Variants in UNC13C observed in about 807,000 individuals in gnomAD.
UNC13C encodes protein unc-13 homolog C.
UNC13C carries 174 observed loss-of-function variants against 245.4 expected under a neutral mutation model. The ratio of observed to expected loss-of-function variants is 0.71; its 90% CI spans 0.63 to 0.80. The LOEUF (loss-of-function observed/expected upper bound fraction) is 0.80. Among genes scored for constraint, UNC13C ranks in the 30% least tolerant of loss-of-function variants. The probability of loss-of-function intolerance (pLI) is 0.00; values close to 1 mark genes in which losing one functional copy is unlikely to be tolerated. For synonymous variants in UNC13C, 992 were observed against 895.1 expected (o/e 1.11, Z -1.93); for missense variants, 2,829 against 2,602.9 (o/e 1.09, Z -1.89).
the UNC13C span, among the ~76,000 whole-genome samples, chr15:53,910,584 C>T: frequency 1.4e-5 from 2 of 145,986 alleles, 1 homozygote; most frequent in Admixed American, 1.4e-4. Flanking sequence ...TCCATCTTTG[C>T]AGACAGAGGG....
chr15:54,602,138 C>G (rs751650108), intron 30 of UNC13C, among the ~76,000 whole-genome samples: 4 of 152,182 alleles, frequency 2.6e-5, no homozygotes, highest in Non-Finnish European at 5.9e-5. Flanking sequence ...TCCTGAAGGG[C>G]CTCTGAGGAC....
chr15:54,350,031 A>G (rs1342085651), intron 17 of UNC13C, among the ~76,000 whole-genome samples: 1 of 151,938 alleles, frequency 6.6e-6, no homozygotes, highest in African/African-American at 2.4e-5. Context: ...TGTGTCGCCC[A>G]GGCTGGAGTG....
intron 2 of UNC13C, among the ~76,000 whole-genome samples, chr15:54,063,342 GGGCGATAGGCAA>G (rs1897929995): frequency 6.6e-6 from 1 of 152,124 alleles, no homozygotes; most frequent in South Asian, 2.1e-4. Flanking sequence ...GTGGGGAAGG[GGGCGATAGGCAA>G]GAATTTAGGA....
intron 19 of UNC13C, among the ~76,000 whole-genome samples, chr15:54,432,079 C>A (rs2040884076): frequency 6.6e-6 from 1 of 151,350 alleles, no homozygotes; most frequent in Non-Finnish European, 1.5e-5. Context: ...TTTCTAACAA[C>A]CACAAAAATG....
chr15:54,427,267 C>T (rs1450395435), intron 19 of UNC13C, among the ~76,000 whole-genome samples: 2 of 151,632 alleles, frequency 1.3e-5, no homozygotes, highest in Non-Finnish European at 2.9e-5. Flanking sequence ...CTGGTCTTTC[C>T]CATGCTGTTC....
intron 30 of UNC13C, among the ~76,000 whole-genome samples, chr15:54,585,258 G>A (rs1859078759): frequency 6.6e-6 from 1 of 152,138 alleles, no homozygotes; most frequent in African/African-American, 2.4e-5. Context: ...CCTCCTCATG[G>A]TAATGGCTGA....
At chr15:54,244,920 T>C (rs144938230) in intron 7 of UNC13C, among the ~76,000 whole-genome samples, 20 of 152,306 alleles carry the variant, frequency 1.3e-4, no homozygotes, top group African/African-American at 3.8e-4. Context: ...GCAAAAATAA[T>C]TTGACTTCCT....
chr15:54,410,240 T>C (rs1331773609), intron 18 of UNC13C, among the ~76,000 whole-genome samples: 5 of 152,194 alleles, frequency 3.3e-5, no homozygotes, highest in Non-Finnish European at 5.9e-5. Context: ...TTTTTGCACG[T>C]TGACTTAAGT....
At chr15:54,308,674 C>T (rs1435195607) in intron 13 of UNC13C, among the ~76,000 whole-genome samples, 1 of 151,794 alleles carries the variant, frequency 6.6e-6, no homozygotes, top group Non-Finnish European at 1.5e-5. Context: ...CCAACTCCAG[C>T]TCCTGGTAAC....
At chr15:54,308,224 C>T (rs1028591398) in intron 13 of UNC13C, among the ~76,000 whole-genome samples, 6 of 151,672 alleles carry the variant, frequency 4.0e-5, no homozygotes, top group African/African-American at 1.5e-4. Flanking sequence ...TTTTTTTGTT[C>T]AACAATAGCA....
chr15:54,102,254 C>G (rs1900202734), intron 2 of UNC13C, among the ~76,000 whole-genome samples: 1 of 151,984 alleles, frequency 6.6e-6, no homozygotes, highest in Admixed American at 6.6e-5. Context: ...CCAGATCCTT[C>G]TTAATACAGT....
intron 2 of UNC13C, among the ~76,000 whole-genome samples, chr15:54,082,939 C>T (rs963254431): frequency 1.4e-4 from 22 of 152,142 alleles, no homozygotes; most frequent in African/African-American, 5.3e-4. Flanking sequence ...CATACACCAT[C>T]TCCTGCTGTG....
chr15:54,629,659 T>TTTATG (rs1356580612), downstream of UNC13C: 1 of 152,206 alleles, frequency 6.6e-6, no homozygotes, highest in Non-Finnish European at 1.5e-5. Context: ...TCATTCTAGA[T>TTTATG]TTATGTTATA....
At chr15:54,026,247 A>G (rs938161522) in intron 2 of UNC13C, among the ~76,000 whole-genome samples, 1 of 152,206 alleles carries the variant, frequency 6.6e-6, no homozygotes, top group African/African-American at 2.4e-5. Flanking sequence ...GGAGTAGACT[A>G]TGGCTGAAGT....
the UNC13C span, among the ~76,000 whole-genome samples, chr15:53,940,276 T>C: frequency 3.2e-4 from 48 of 151,994 alleles, no homozygotes; most frequent in African/African-American, 1.2e-3. Context: ...TCCCTTTATG[T>C]TAAAAACCCT....
rs187843704 is a variant in UNC13C at position 54,619,216 on chromosome 15, T to A, written c.6107-3111T>A. On this transcript the variant is annotated intron_variant, in intron 30 of 32. Coordinates refer to ENST00000260323, the MANE Select transcript of UNC13C (RefSeq NM_001080534.3). ...TCTCCATGTAAATTTTGCTAAGATATCTGTATCTTTCTCCTCACTTACGTT... is the reference window on the plus strand; with the variant it reads ...TCTCCATGTAAATTTTGCTAAGATAACTGTATCTTTCTCCTCACTTACGTT... Among the ~76,000 whole-genome samples, 229 of 152,056 alleles carry A rather than the reference T, an allele frequency of 1.5e-3. 1 individual carries two copies. Among genetic ancestry groups the A allele is most frequent in the Middle Eastern group, 3.4e-3 (1 of 294 alleles).
intron 4 of UNC13C, among the ~76,000 whole-genome samples, chr15:54,194,476 A>C (rs11071056): frequency 0.18 from 28,025 of 152,104 alleles, 2,876 homozygotes; most frequent in East Asian, 0.24. Flanking sequence ...TAAATATTAA[A>C]AGACAGTGTT....
intron 13 of UNC13C, among the ~76,000 whole-genome samples, chr15:54,308,401 T>C (rs1157754476): frequency 1.3e-5 from 2 of 151,944 alleles, no homozygotes; most frequent in Non-Finnish European, 2.9e-5. Context: ...TAAAATTTTA[T>C]GTATTTATTA....
the UNC13C span, among the ~76,000 whole-genome samples, chr15:53,885,482 G>T: frequency 6.6e-6 from 1 of 152,124 alleles, no homozygotes; most frequent in Admixed American, 6.5e-5. Context: ...ACTGCATTTG[G>T]TGTCAGTCTA....
Sources: gnomAD v4.1 joint callset for allele counts (sites outside exome capture counted in the v4.1 genomes callset) on GRCh38, gnomAD v4.1.1 for gene constraint, MANE v1.5 for transcripts, NCBI Gene and HGNC (gene_info 2026-07-23, HGNC 2026-07-21) for gene names.